Variants in HLTF observed in about 807,000 individuals in gnomAD.
HLTF encodes DNA-dependent ATPase/E3 ubiquitin-protein ligase HLTF.
A neutral mutation model predicts 129.4 loss-of-function variants in HLTF; 127 were observed. The ratio of observed to expected loss-of-function variants is 0.98; its 90% CI spans 0.85 to 1.14. The LOEUF is 1.14. Ranked by LOEUF, HLTF falls within the 50% of genes most tolerant of loss-of-function variation. HLTF has a pLI of 0.00. For missense variants in HLTF, 1,139 were observed against 1,187.1 expected, an observed-to-expected ratio of 0.96 and a Z score of 0.60; for synonymous variants, 332 against 388.8, an observed-to-expected ratio of 0.85 and a Z score of 1.72.
At chr3:149,077,288 AAAT>A (rs1719461561) in intron 2 of HLTF, among the ~76,000 whole-genome samples, 1 of 148,328 alleles carries the variant, frequency 6.7e-6, no homozygotes, top group Non-Finnish European at 1.5e-5. Context: ...ATAAATAAAT[AAAT>A]AAAAATAATA....
chr3:149,033,289 G>A (rs1715289630), intron 24 of HLTF, among the ~76,000 whole-genome samples: 1 of 151,998 alleles, frequency 6.6e-6, no homozygotes, highest in South Asian at 2.1e-4. Flanking sequence ...TACATAAATG[G>A]AGAAAGGATA....
At chr3:149,074,409 G>A in intron 3 of HLTF, 61 bp from the exon 4 acceptor site, 1 of 1,451,560 alleles carries the variant, frequency 6.9e-7, no homozygotes, top group East Asian at 2.3e-5. Flanking sequence ...TCCCCACTAA[G>A]AATTAGTTCA....
rs1391342908 is a variant in HLTF, at chr3:149,031,326, TC to T, written c.*893del. ...ACTTTGGAGATCATCCAGCCCAACT[TC>T]CATCCAGATATCACGCCTCTCACAT... is the stretch of plus-strand genomic sequence containing the variant. On this transcript the variant is annotated 3_prime_UTR_variant, in exon 25 of 25. Transcript: ENST00000310053. 1 of 152,574 alleles carries T rather than the reference TC, an allele frequency of 6.6e-6. No homozygotes were observed. Among genetic ancestry groups the T allele is most frequent in the Non-Finnish European group, 1.5e-5 (1 of 68,030 alleles). 9.5% of individuals were successfully genotyped at this position (152,574 alleles called of 1,614,324 possible). A position where few individuals can be genotyped will look rare whatever the true frequency, so the allele number is the denominator to read the frequency against.
At chr3:149,083,359 C>T (rs939109199) in intron 2 of HLTF, among the ~76,000 whole-genome samples, 7 of 151,692 alleles carry the variant, frequency 4.6e-5, no homozygotes, top group Non-Finnish European at 8.8e-5. Flanking sequence ...ATATATTTGG[C>T]AAAATAAGAA....
Position 149,039,077 on chromosome 3 carries a change from G to A in HLTF, c.2768C>T (p.Ala923Val). The change falls in exon 23 of 25, where the codon GCA becomes GTA. Residue 923 changes from alanine to valine, a missense_variant. Transcript: ENST00000310053. ...KAGGVGLNLS[A>V]ASRVFLMDPA... ...ATCCATTAAAAACACTCGAGAAGCT[G>A]CAGACAGATTCAAACCAACTCCACC... 1.9e-6 allele frequency: 3 copies of A among 1,603,044 alleles called. No homozygotes were observed. The highest frequency in any genetic ancestry group is 1.7e-5 in the Admixed American group (1 of 57,878).
At chr3:149,069,403 G>A (rs150128394) in intron 7 of HLTF, among the ~76,000 whole-genome samples, 2,087 of 151,078 alleles carry the variant, frequency 0.014, 43 homozygotes, top group African/African-American at 0.048. Context: ...CCTGGGAGGC[G>A]GAGGGTGCAG....
At position 149,071,037 on chromosome 3, in the gene HLTF, T is replaced by C. The variant is rs1271844943; in HGVS notation, c.894+215A>G. Among the ~76,000 whole-genome samples the C allele has an allele frequency of 2.0e-5, 3 of 146,556 alleles. No individual in the cohort carries two copies. In the East Asian group the frequency reaches 5.9e-4, roughly 29 times the overall value. On this transcript the variant is annotated intron_variant, in intron 7 of 24. Coordinates refer to ENST00000310053, the MANE Select transcript of HLTF (RefSeq NM_003071.4). Reference sequence around the variant, plus strand: ...TCCAGCCTGGGTGACAGAGCAAGACTCCATCTCAAAAAAAAAAAAAAGAAA... The same window carrying C: ...TCCAGCCTGGGTGACAGAGCAAGACCCCATCTCAAAAAAAAAAAAAAGAAA...
At chr3:149,041,442 G>T (rs1392895508) in intron 20 of HLTF, 48 bp downstream of exon 20, 8 of 1,309,766 alleles carry the variant, frequency 6.1e-6, no homozygotes, top group Admixed American at 2.1e-5. Context: ...TTAAAGACAG[G>T]TACACTACTC....
rs756036645 is a variant in HLTF at position 149,040,053 on chromosome 3, A to G, written c.2480T>C (p.Met827Thr). ...LARDSEKKSD[M>T]EWTSSSKINA... ...TACCTTTGAACTGGATGTCCATTCC[A>G]TATCAGACTTTTTCTCACTGTCACG... Residue 827 changes from methionine (M) to threonine (T), a missense_variant, in exon 21 of 25, where the codon ATG becomes ACG. By Grantham distance (81) the Met-to-Thr change is moderately conservative. Transcript: ENST00000310053. The G allele has an allele frequency of 8.7e-6, 14 of 1,611,572 alleles. No individual in the cohort carries two copies. Among genetic ancestry groups the G allele is most frequent in the Non-Finnish European group, 1.1e-5 (13 of 1,179,156 alleles).
rs71135656 is a variant in HLTF at position 149,036,297 on chromosome 3, G to GT, written c.2797-1300dup. On this transcript the variant is annotated intron_variant, in intron 23 of 24. Transcript: ENST00000310053. ...TTAAATTTTAAATTAAAACTATGAG[G>GT]TTTTTTTTTTGAGATGGAGTCTCGC... 3.5e-4 allele frequency among the ~76,000 whole-genome samples: 38 copies of GT among 107,964 alleles called. No homozygotes were observed. In the South Asian group the frequency reaches 4.5e-3, roughly 13 times the overall value. 70.8% of individuals were successfully genotyped at this position (107,964 alleles called of 152,430 possible). A position where few individuals can be genotyped will look rare whatever the true frequency, so the allele number is the denominator to read the frequency against.
rs539818027 is a variant in HLTF at position 149,063,423 on chromosome 3, T to G, written c.1160+8A>C. On this transcript the variant is annotated splice_region_variant and intron_variant, in intron 10 of 24. Transcript: ENST00000310053. ...AACATATGACATAATCAAACCATAA[T>G]AGTTTACCTTTTGGGGCGGGAGCTA... The G allele has an allele frequency of 1.3e-6, 2 of 1,505,036 alleles. No homozygotes were observed. Among genetic ancestry groups the G allele is most frequent in the East Asian group, 4.5e-5 (2 of 44,386 alleles). The allele number at this position is 1,505,036 out of a possible 1,614,324, so 93.2% of individuals were successfully genotyped here. A position where few individuals can be genotyped will look rare whatever the true frequency, so the allele number is the denominator to read the frequency against.
chr3:149,077,662 G>C (rs1177894685), intron 2 of HLTF, among the ~76,000 whole-genome samples: 2 of 151,382 alleles, frequency 1.3e-5, no homozygotes, highest in East Asian at 3.9e-4. Flanking sequence ...AAGGCCGTAA[G>C]CAAGCACAGG....
At position 149,048,987 on chromosome 3, in the gene HLTF, A is replaced by G. The variant is rs759567008; in HGVS notation, c.1632T>C (p.Ser544=). 1 of 1,603,342 alleles carries G rather than the reference A, an allele frequency of 6.2e-7. No homozygotes were observed. Among genetic ancestry groups the G allele is most frequent in the Non-Finnish European group, 8.5e-7 (1 of 1,170,892 alleles). ...LTHDYGTKGD[S]PLHSIRWLRV... ...TTAGCCACCTTATGCTATGTAATGG[A>G]CTATCTCCTTTAGTCTGAAATAAAT... Residue 544 remains serine, a synonymous_variant, in exon 16 of 25, where the codon AGT becomes AGC. Transcript: ENST00000310053.
intron 14 of HLTF, among the ~76,000 whole-genome samples, chr3:149,053,674 C>T (rs1400660861): frequency 6.6e-6 from 1 of 152,186 alleles, no homozygotes; most frequent in Admixed American, 6.5e-5. Flanking sequence ...TTTAAATTCA[C>T]AGAGTGTGCA....
In HLTF at chr3:149,084,803, C is replaced by T. The variant is rs1331648034; in HGVS notation, c.107G>A (p.Arg36His). Reference protein sequence around the residue: ...PRLSYPTFFPRFEFQDVIPPD... With the variant: ...PRLSYPTFFPHFEFQDVIPPD... ...AGGGATAACATCTTGGAATTCAAAA[C>T]GTGGAAAGAAAGTTGGATATGAGAG... is the stretch of plus-strand genomic sequence containing the variant. Residue 36 changes from arginine to histidine, a missense_variant, in exon 2 of 25, where the codon CGT becomes CAT. Coordinates refer to ENST00000310053, the MANE Select transcript of HLTF (RefSeq NM_003071.4). 1.2e-6 allele frequency: 2 copies of T among 1,613,754 alleles called. No homozygotes were observed. Among genetic ancestry groups the T allele is most frequent in the Non-Finnish European group, 1.7e-6 (2 of 1,179,926 alleles).
Position 149,041,604 on chromosome 3 carries a change from T to C in HLTF, c.2262A>G (p.Ser754=), listed in dbSNP as rs771885791. The change falls in exon 20 of 25, where the codon TCA becomes TCG. Residue 754 remains serine (S), a synonymous_variant. Coordinates refer to ENST00000310053, the MANE Select transcript of HLTF (RefSeq NM_003071.4). ...LIRKMKLILS[S]GSDEECAICL... ...AAATTGCACATTCCTCATCTGAACC[T>C]GAGCTCAGAATTAACTTCATCTTCC... 1.2e-6 allele frequency: 2 copies of C among 1,610,940 alleles called. No individual in the cohort carries two copies. The highest frequency in any genetic ancestry group is 1.7e-6 in the Non-Finnish European group (2 of 1,177,252).
At chr3:149,056,989 G>C (rs1195387228) in intron 13 of HLTF, among the ~76,000 whole-genome samples, 1 of 151,084 alleles carries the variant, frequency 6.6e-6, no homozygotes, top group East Asian at 2.0e-4. Context: ...GGCGCCTGTA[G>C]TCCCAGCTAC....
rs564246738 is a variant in HLTF at position 149,051,327 on chromosome 3, C to G, written c.1474-952G>C. Among the ~76,000 whole-genome samples the G allele has an allele frequency of 3.3e-5, 5 of 151,166 alleles. No individual in the cohort carries two copies. The South Asian group carries it at 1.0e-3, about 32-fold the overall frequency. On this transcript the variant is annotated intron_variant, in intron 14 of 24. Transcript: ENST00000310053. The stretch of plus-strand genomic sequence containing the variant: ...TATCATTTTTGGTCACTATAGAATA[C>G]CTAACTGAAGACGTATACTAGGAAA...
chr3:149,073,599 T>G (rs1353546235), intron 4 of HLTF, among the ~76,000 whole-genome samples: 1 of 152,024 alleles, frequency 6.6e-6, no homozygotes. Flanking sequence ...GAGGCTCAGG[T>G]GGAAGGACTG....
Sources: gnomAD v4.1 joint callset for allele counts (sites outside exome capture counted in the v4.1 genomes callset) on GRCh38, gnomAD v4.1.1 for gene constraint, MANE v1.5 for transcripts, NCBI Gene and HGNC (gene_info 2026-07-23, HGNC 2026-07-21) for gene names.